The following AXIN1 variants were observed in gnomAD, a reference collection of about 807,000 sequenced individuals.
AXIN1 encodes the protein axin-1.
Under a neutral mutation model 76.4 loss-of-function variants are expected in AXIN1, and 30 were observed. That is an observed-to-expected ratio of 0.39 (90% CI 0.29 to 0.53). The LOEUF is 0.53. AXIN1 is among the 20% of genes least tolerant of loss of function. AXIN1 has a pLI of 0.66. For missense variants in AXIN1, 1,140 were observed against 1,198.8 expected, an observed-to-expected ratio of 0.95 and a Z score of 0.72; for synonymous variants, 545 against 501.4, an observed-to-expected ratio of 1.09 and a Z score of -1.16.
At chr16:337,068 T>C (rs1457981594) in intron 2 of AXIN1, among the ~76,000 whole-genome samples, 1 of 143,490 alleles carries the variant, frequency 7.0e-6, no homozygotes, top group African/African-American at 2.6e-5. Context: ...GAGGAGCTCT[T>C]GAGCCTGGGA....
chr16:343,209 C>T (rs1454151158), intron 2 of AXIN1, among the ~76,000 whole-genome samples: 1 of 152,152 alleles, frequency 6.6e-6, no homozygotes, highest in Non-Finnish European at 1.5e-5. Context: ...ACAGGAGAAG[C>T]CAATGTATCC....
intron 5 of AXIN1, among the ~76,000 whole-genome samples, chr16:301,045 T>C (rs534661935): frequency 1.1e-4 from 16 of 151,576 alleles, no homozygotes; most frequent in East Asian, 5.9e-4. Context: ...CCGAGGCGGG[T>C]GGATCACAAG....
chr16:302,211 G>A (rs1007190710), intron 5 of AXIN1, among the ~76,000 whole-genome samples: 3 of 152,198 alleles, frequency 2.0e-5, no homozygotes, highest in South Asian at 2.1e-4. Flanking sequence ...CTGCGGCCCC[G>A]GCTAGGTTCC....
intron 7 of AXIN1, among the ~76,000 whole-genome samples, chr16:294,523 G>A (rs1209146304): frequency 1.3e-5 from 2 of 150,636 alleles, no homozygotes; most frequent in African/African-American, 4.9e-5. Context: ...GGGAGGCCGA[G>A]GCGGGTGGAT....
At chr16:328,632 G>A (rs912713960) in intron 2 of AXIN1, among the ~76,000 whole-genome samples, 2 of 152,080 alleles carry the variant, frequency 1.3e-5, no homozygotes, top group Non-Finnish European at 2.9e-5. Flanking sequence ...GGAGGCAGAG[G>A]TTGCAGTGAG....
intron 2 of AXIN1, among the ~76,000 whole-genome samples, chr16:320,887 A>C (rs891951600): frequency 4.6e-5 from 7 of 151,254 alleles, no homozygotes; most frequent in Non-Finnish European, 7.4e-5. Context: ...CTCCAGGCAC[A>C]CGTCACCACG....
intron 7 of AXIN1, among the ~76,000 whole-genome samples, chr16:294,755 CAAAAAA>C (rs1015576394): frequency 2.0e-4 from 5 of 24,742 alleles, no homozygotes; most frequent in East Asian, 1.3e-3. Flanking sequence ...AACCCCATCT[CAAAAAA>C]AAAAAAAAAA....
intron 3 of AXIN1, among the ~76,000 whole-genome samples, chr16:311,327 G>A (rs976819074): frequency 1.3e-5 from 2 of 151,900 alleles, no homozygotes; most frequent in Admixed American, 6.6e-5. Context: ...ACCGCGCCCA[G>A]CCCGCAACAG....
At chr16:347,740 CAA>C (rs1481087492) in intron 1 of AXIN1, among the ~76,000 whole-genome samples, 1 of 152,198 alleles carries the variant, frequency 6.6e-6, no homozygotes, top group Non-Finnish European at 1.5e-5. Flanking sequence ...ACACACGCCT[CAA>C]AGAGAGATAA....
chr16:306,456 ATGGGAGG>A (rs1466475385), intron 4 of AXIN1, among the ~76,000 whole-genome samples: 2 of 152,208 alleles, frequency 1.3e-5, no homozygotes, highest in Non-Finnish European at 2.9e-5. Flanking sequence ...AGGGTGGCAG[ATGGGAGG>A]TGGGACCCTC....
At chr16:288,434 A>G (rs2141462087) in intron 10 of AXIN1, 186 bp from the exon 11 acceptor site, 1 of 854,590 alleles carries the variant, frequency 1.2e-6, no homozygotes, top group East Asian at 2.7e-5. Flanking sequence ...ATGTGGGTGA[A>G]GTGGGCAGCC....
rs1259681599 is a variant in AXIN1 at position 304,316 on chromosome 16, C to T, written c.1242G>A (p.Lys414=). 1.2e-6 allele frequency: 2 copies of T among 1,611,642 alleles called. No individual in the cohort carries two copies. The highest frequency in any genetic ancestry group is 4.5e-5 in the East Asian group (2 of 44,870). The part of the protein sequence containing the change: ...EAEEKLEERL[K]RVRMEEEGED... ...GCGGCCCACTCACCATGCGCACGCG[C>T]TTCAGCCGCTCCTCCAGCTTCTCCT... The change falls in exon 5 of 11, where the codon AAG becomes AAA. Residue 414 remains lysine, a synonymous_variant. Coordinates refer to ENST00000262320, the MANE Select transcript of AXIN1 (RefSeq NM_003502.4).
chr16:344,392 C>T (rs112841799), intron 2 of AXIN1, among the ~76,000 whole-genome samples: 212 of 144,014 alleles, frequency 1.5e-3, no homozygotes, highest in Non-Finnish European at 1.8e-3. Context: ...ATGGCGCCAC[C>T]GCACTCCAGC....
chr16:308,107 C>T (rs2053076204), intron 4 of AXIN1, among the ~76,000 whole-genome samples: 1 of 152,220 alleles, frequency 6.6e-6, no homozygotes, highest in Admixed American at 6.5e-5. Flanking sequence ...CACACAAGGG[C>T]CCTCTGGGGG....
At chr16:299,205 CT>C (rs2052801168) in intron 5 of AXIN1, 1 of 985,316 alleles carries the variant, frequency 1.0e-6, no homozygotes, top group Non-Finnish European at 1.2e-6. Flanking sequence ...TGAAGCTTAT[CT>C]GTCAGAGCAA....
At chr16:300,688 C>T (rs981099992) in intron 5 of AXIN1, among the ~76,000 whole-genome samples, 8 of 152,116 alleles carry the variant, frequency 5.3e-5, no homozygotes, top group Non-Finnish European at 7.4e-5. Context: ...GGAGCAGAGC[C>T]GGGGGACAGG....
At chr16:303,290 G>GAGGA (rs1471698623) in intron 5 of AXIN1, among the ~76,000 whole-genome samples, 2 of 152,230 alleles carry the variant, frequency 1.3e-5, no homozygotes, top group Non-Finnish European at 2.9e-5. Context: ...TTGCAGCGGG[G>GAGGA]AGGAGCCAGG....
chr16:316,145 C>G (rs916163182), intron 2 of AXIN1, among the ~76,000 whole-genome samples: 3 of 152,110 alleles, frequency 2.0e-5, no homozygotes, highest in Non-Finnish European at 2.9e-5. Context: ...CTTCCTTATT[C>G]CAGAATTACA....
chr16:315,159 T>A (rs971685610), intron 2 of AXIN1, among the ~76,000 whole-genome samples: 1 of 152,164 alleles, frequency 6.6e-6, no homozygotes, highest in Non-Finnish European at 1.5e-5. Context: ...TGACAGTGTG[T>A]GTGGGTGGTG....
Sources: gnomAD v4.1 joint callset for allele counts (sites outside exome capture counted in the v4.1 genomes callset) on GRCh38, gnomAD v4.1.1 for gene constraint, MANE v1.5 for transcripts, NCBI Gene and HGNC (gene_info 2026-07-23, HGNC 2026-07-21) for gene names.